TRADD: variants seen among roughly 807,000 people sequenced by gnomAD.
The protein encoded by TRADD is tumor necrosis factor receptor type 1-associated DEATH domain protein.
Under a neutral mutation model 31.5 loss-of-function variants are expected in TRADD, and 14 were observed. The ratio of observed to expected loss-of-function variants is 0.44; its 90% CI spans 0.29 to 0.69. The LOEUF is 0.69. Ranked by LOEUF, TRADD falls within the 30% of genes least tolerant of loss-of-function variation. The pLI is 0.11. For synonymous variants in TRADD, 220 were observed against 215.8 expected (o/e 1.02, Z -0.17); for missense variants, 388 against 435.7 (o/e 0.89, Z 0.97).
rs149407680 is a variant in TRADD at position 67,157,210 on chromosome 16, A to G, written c.-8-542T>C. 6.2e-3 allele frequency among the ~76,000 whole-genome samples: 944 copies of G among 152,128 alleles called. 7 individuals carry two copies. Among genetic ancestry groups the G allele is most frequent in the African/African-American group, 0.021 (883 of 41,494 alleles). ...TTGCATCTACCCAGATTCTCTCCCC[A>G]AGCCTGACTTACCTTTGGGGACTTC... On this transcript the variant is annotated intron_variant, in intron 1 of 4. Transcript: ENST00000345057.
In TRADD at chr16:67,155,479, C is replaced by G. The variant is rs374881850; in HGVS notation, c.327G>C (p.Gln109His). 162 of 1,576,924 alleles carry G rather than the reference C, an allele frequency of 1.0e-4. 1 individual carries two copies. The African/African-American group carries it at 1.7e-3, about 17-fold the overall frequency. ...LQRSLAAALA[Q>H]HSVPLQLELR... ...GCTCCAGTTGCAGCGGCACCGAGTG[C>G]TGGGCGAGCGCGGCCGCCAGGCTCC... Residue 109 changes from glutamine to histidine, a missense_variant, in exon 3 of 5, where the codon CAG becomes CAC. Physicochemically the swap from Gln to His is conservative, Grantham distance 24. Coordinates refer to ENST00000345057, the MANE Select transcript of TRADD (RefSeq NM_003789.4).
chr16:67,154,780 G>C lies in TRADD; in HGVS notation c.808C>G (p.Arg270Gly), dbSNP rs1443700539. Residue 270 changes from arginine (R) to glycine (G), a missense_variant, in exon 5 of 5, where the codon CGG becomes GGG. Transcript: ENST00000345057. The surrounding 1 kb of genome is among the most constrained non-coding windows in gnomAD (Gnocchi z 5.2). The part of the protein sequence containing the change: ...GLYEQAFQLL[R>G]RFVQAEGRRA... The stretch of plus-strand genomic sequence containing the variant: ...CGGCCCTCGGCCTGCACGAAGCGCC[G>C]CAGCAGCTGGAAGGCCTGCTCGTAC... 1 of 1,601,900 alleles carries C rather than the reference G, an allele frequency of 6.2e-7. No homozygotes were observed. The highest frequency in any genetic ancestry group is 8.5e-7 in the Non-Finnish European group (1 of 1,175,148).
chr16:67,155,641 G>C lies in TRADD; in HGVS notation c.165C>G (p.Ser55Arg), dbSNP rs1308578841. The change falls in exon 3 of 5, where the codon AGC becomes AGG. Residue 55 changes from serine (S) to arginine (R), a missense_variant. By Grantham distance (110) the Ser-to-Arg change is moderately radical. Coordinates refer to ENST00000345057, the MANE Select transcript of TRADD (RefSeq NM_003789.4). ...TCTTCAGCATCTGCAGCACGTCCGG[G>C]CTCCCGCCGCTCTCTGCGGAGGCGG... The part of the protein sequence containing the change: ...LQAALAESGG[S>R]PDVLQMLKIH... 6.5e-7 allele frequency: 1 copy of C among 1,547,050 alleles called. No homozygotes were observed. Among genetic ancestry groups the C allele is most frequent in the Non-Finnish European group, 8.7e-7 (1 of 1,153,156 alleles).
Position 67,155,574 on chromosome 16 carries a change from A to T in TRADD, c.232T>A (p.Cys78Ser), listed in dbSNP as rs1300859245. The change falls in exon 3 of 5, where the codon TGC (cysteine) becomes AGC (serine). Residue 78 changes from cysteine to serine, a missense_variant. Physicochemically the swap from Cys to Ser is moderately radical, Grantham distance 112. Transcript: ENST00000345057. ...DPQLIVQLRFCGRQPCGRFLR... is the reference protein window; with the variant it reads ...DPQLIVQLRFSGRQPCGRFLR... ...AAGCGGCCACAGGGCTGCCGCCCGC[A>T]GAATCGCAGCTGCACGATCAGCTGC... 18 of 1,537,176 alleles carry T rather than the reference A, an allele frequency of 1.2e-5. No individual in the cohort carries two copies. Among genetic ancestry groups the T allele is most frequent in the Non-Finnish European group, 1.6e-5 (18 of 1,149,658 alleles).
Position 67,156,279 on chromosome 16 carries a change from G to A in TRADD, c.151+231C>T. ...GAGCCGGCTGGTGGAGGGGGGCGGG[G>A]ATGGAGCAAAGGACGTTAGTGCACA... On this transcript the variant is annotated intron_variant, in intron 2 of 4. Coordinates refer to ENST00000345057, the MANE Select transcript of TRADD (RefSeq NM_003789.4). This position sits in a 1 kb window ranked among gnomAD's most constrained non-coding sequence, Gnocchi z 4.6. 1 of 1,201,718 alleles carries A rather than the reference G, an allele frequency of 8.3e-7. No homozygotes were observed. Among genetic ancestry groups the A allele is most frequent in the Non-Finnish European group, 1.2e-6 (1 of 863,596 alleles). 74.4% of individuals were successfully genotyped at this position (1,201,718 alleles called of 1,614,324 possible). A position where few individuals can be genotyped will look rare whatever the true frequency, so the allele number is the denominator to read the frequency against.
Position 67,155,623 on chromosome 16 carries a change from C to T in TRADD, c.183G>A (p.Met61Ile), listed in dbSNP as rs1033273077. The T allele has an allele frequency of 6.4e-7, 1 of 1,558,108 alleles. No homozygotes were observed. The highest frequency in any genetic ancestry group is 8.6e-7 in the Non-Finnish European group (1 of 1,158,930). The change falls in exon 3 of 5, where the codon ATG becomes ATA. Residue 61 changes from methionine to isoleucine, a missense_variant. By Grantham distance (10) the Met-to-Ile change is conservative (BLOSUM62 1). Coordinates refer to ENST00000345057, the MANE Select transcript of TRADD (RefSeq NM_003789.4). ...GCGGGTCGCTGCGGTGGATCTTCAG[C>T]ATCTGCAGCACGTCCGGGCTCCCGC... ...ESGGSPDVLQMLKIHRSDPQL... is the reference protein window; with the variant it reads ...ESGGSPDVLQILKIHRSDPQL...
At position 67,156,777 on chromosome 16, in the gene TRADD, C is replaced by T. The variant is rs2030716665; in HGVS notation, c.-8-109G>A. Reference sequence around the variant, plus strand: ...TGTCCCCACCACAGTAGCCTCAAGTCCCACATGGTTCAGTTGTCCCCACCA... The same window carrying T: ...TGTCCCCACCACAGTAGCCTCAAGTTCCACATGGTTCAGTTGTCCCCACCA... On this transcript the variant is annotated intron_variant, in intron 1 of 4. Transcript: ENST00000345057. The surrounding 1 kb of genome is among the most constrained non-coding windows in gnomAD (Gnocchi z 4.6). The T allele has an allele frequency of 7.0e-7, 1 of 1,429,352 alleles. No individual in the cohort carries two copies. Among genetic ancestry groups the T allele is most frequent in the African/African-American group, 1.4e-5 (1 of 71,486 alleles). 88.5% of individuals were successfully genotyped at this position (1,429,352 alleles called of 1,614,324 possible). A position where few individuals can be genotyped will look rare whatever the true frequency, so the allele number is the denominator to read the frequency against.
Position 67,156,226 on chromosome 16 carries a change from G to C in TRADD, c.151+284C>G. ...TGCAGTAAGAGAGGAAAAGAGGAGA[G>C]AGACATCCACAATTAGTAGAAAGGA... is the stretch of plus-strand genomic sequence containing the variant. On this transcript the variant is annotated intron_variant, in intron 2 of 4. Transcript: ENST00000345057. The surrounding 1 kb of genome is among the most constrained non-coding windows in gnomAD (Gnocchi z 4.6). 6.9e-7 allele frequency: 1 copy of C among 1,458,600 alleles called. No individual in the cohort carries two copies. The highest frequency in any genetic ancestry group is 9.1e-7 in the Non-Finnish European group (1 of 1,096,412). The allele number at this position is 1,458,600 out of a possible 1,614,324, so 90.4% of individuals were successfully genotyped here.
rs372931256 is a variant in TRADD, at chr16:67,155,443, G to C, written c.363C>G (p.Gly121=). The change falls in exon 3 of 5, where the codon GGC becomes GGG. Residue 121 remains glycine, a synonymous_variant. Transcript: ENST00000345057. ...SVPLQLELRA[G]AERLDALLAD... is the part of the protein sequence containing the mutation. Reference sequence around the variant, plus strand: ...CCAGCAAAGCGTCCAGCCGCTCGGCGCCGGCGCGCAGCTCCAGTTGCAGCG... The same window carrying C: ...CCAGCAAAGCGTCCAGCCGCTCGGCCCCGGCGCGCAGCTCCAGTTGCAGCG... 1.5e-5 allele frequency: 24 copies of C among 1,595,606 alleles called. No homozygotes were observed. In the South Asian group the frequency reaches 2.4e-4, roughly 16 times the overall value.
At chr16:67,157,010 GTCTC>G (rs770800235) in intron 1 of TRADD, among the ~76,000 whole-genome samples, 5 of 152,206 alleles carry the variant, frequency 3.3e-5, no homozygotes, top group Non-Finnish European at 7.3e-5. Context: ...AGGCCTGTGT[GTCTC>G]TCTTACCAAT....
chr16:67,157,869 C>G (rs1416985537), intron 1 of TRADD, among the ~76,000 whole-genome samples: 1 of 152,206 alleles, frequency 6.6e-6, no homozygotes, highest in Non-Finnish European at 1.5e-5. Flanking sequence ...CCCCGTGAGA[C>G]AGCAAGTAGA....
chr16:67,154,543 G>T lies in TRADD; in HGVS notation c.*106C>A. ...CTGCCCCAGCAGGTCCAGCAGATAG[G>T]CCAAGTGGAGTTTCAGGGTCCCGTG... On this transcript the variant is annotated 3_prime_UTR_variant, in exon 5 of 5. Coordinates refer to ENST00000345057, the MANE Select transcript of TRADD (RefSeq NM_003789.4). This position sits in a 1 kb window ranked among gnomAD's most constrained non-coding sequence, Gnocchi z 5.2. 1 of 1,399,666 alleles carries T rather than the reference G, an allele frequency of 7.1e-7. No individual in the cohort carries two copies. The highest frequency in any genetic ancestry group is 9.8e-7 in the Non-Finnish European group (1 of 1,023,570). 86.7% of individuals were successfully genotyped at this position (1,399,666 alleles called of 1,614,324 possible).
At chr16:67,155,936 C>A in intron 2 of TRADD, 1 of 1,497,898 alleles carries the variant, frequency 6.7e-7, no homozygotes, top group South Asian at 1.2e-5. Flanking sequence ...AGAGGGACTT[C>A]GAAGCACAGA....
Position 67,154,863 on chromosome 16 carries a change from C to A in TRADD, c.725G>T (p.Arg242Leu). The A allele has an allele frequency of 6.3e-7, 1 of 1,597,488 alleles. No individual in the cohort carries two copies. The highest frequency in any genetic ancestry group is 2.3e-5 in the East Asian group (1 of 43,492). Residue 242 changes from arginine to leucine, a missense_variant, in exon 5 of 5, where the codon CGG becomes CTG. Transcript: ENST00000345057. The surrounding 1 kb of genome is among the most constrained non-coding windows in gnomAD (Gnocchi z 5.2). The stretch of plus-strand genomic sequence containing the variant: ...GTCCAGCGCCGGGTCCCGCAGCGCC[C>A]GGCAGCCTCGCTGCAGTGAGCGCCC... Reference protein sequence around the residue: ...KVGRSLQRGCRALRDPALDSL... With the variant: ...KVGRSLQRGCLALRDPALDSL...
At chr16:67,155,332 C>T (rs778387357) in intron 3 of TRADD, 38 bp from the exon 4 acceptor site, 4 of 1,606,554 alleles carry the variant, frequency 2.5e-6, no homozygotes, top group African/African-American at 2.7e-5. Context: ...GGGACTTAAC[C>T]GCGGATCCCC....
rs761434301 is a variant in TRADD, at chr16:67,154,655, C to A, written c.933G>T (p.Leu311=). 1.2e-6 allele frequency: 2 copies of A among 1,612,320 alleles called. No homozygotes were observed. Among genetic ancestry groups the A allele is most frequent in the African/African-American group, 2.7e-5 (2 of 74,930 alleles). The part of the protein sequence containing the change: ...LLGLTDPNGG[L]A ...AGCTGGCTGCACCCCTGGTCTAGGCCAGGCCGCCATTGGGATCGGTCAGGC... is the reference window on the plus strand; with the variant it reads ...AGCTGGCTGCACCCCTGGTCTAGGCAAGGCCGCCATTGGGATCGGTCAGGC... The change falls in exon 5 of 5, where the codon CTG becomes CTT. Residue 311 remains leucine (L), a synonymous_variant. Transcript: ENST00000345057. The surrounding 1 kb of genome is among the most constrained non-coding windows in gnomAD (Gnocchi z 5.2).
chr16:67,154,367 G>T lies in TRADD; in HGVS notation c.*282C>A. The T allele has an allele frequency of 1.8e-6, 1 of 558,854 alleles. No homozygotes were observed. Among genetic ancestry groups the T allele is most frequent in the Non-Finnish European group, 3.2e-6 (1 of 310,596 alleles). 34.6% of individuals were successfully genotyped at this position (558,854 alleles called of 1,614,324 possible). A position where few individuals can be genotyped will look rare whatever the true frequency, so the allele number is the denominator to read the frequency against. The stretch of plus-strand genomic sequence containing the variant: ...GGTGCTTCATGAGTGAAACTGTAAG[G>T]GCTGGCTGTAAGCCCCGCTTCTGGG... On this transcript the variant is annotated 3_prime_UTR_variant, in exon 5 of 5. Coordinates refer to ENST00000345057, the MANE Select transcript of TRADD (RefSeq NM_003789.4). The surrounding 1 kb of genome is among the most constrained non-coding windows in gnomAD (Gnocchi z 5.2).
chr16:67,156,260 G>T lies in TRADD; in HGVS notation c.151+250C>A. The T allele has an allele frequency of 2.2e-6, 3 of 1,355,206 alleles. No homozygotes were observed. The South Asian group carries it at 4.0e-5, about 18-fold the overall frequency. 83.9% of individuals were successfully genotyped at this position (1,355,206 alleles called of 1,614,324 possible). A position where few individuals can be genotyped will look rare whatever the true frequency, so the allele number is the denominator to read the frequency against. Reference sequence around the variant, plus strand: ...ACAATTAGTAGAAAGGAGTGAGCCGGCTGGTGGAGGGGGGCGGGGATGGAG... The same window carrying T: ...ACAATTAGTAGAAAGGAGTGAGCCGTCTGGTGGAGGGGGGCGGGGATGGAG... On this transcript the variant is annotated intron_variant, in intron 2 of 4. Coordinates refer to ENST00000345057, the MANE Select transcript of TRADD (RefSeq NM_003789.4). The surrounding 1 kb of genome is among the most constrained non-coding windows in gnomAD (Gnocchi z 4.6).
In TRADD at chr16:67,159,156, T is replaced by G. The variant is rs2030807916; in HGVS notation, c.-9+682A>C. On this transcript the variant is annotated intron_variant, in intron 1 of 4. Transcript: ENST00000345057. This position sits in a 1 kb window ranked among gnomAD's most constrained non-coding sequence, Gnocchi z 6.8. ...CGTGTTCTTTCACGGAAGCCCCTCC[T>G]TGGGAAGCCCCGCGCCCCACCCACC... Among the ~76,000 whole-genome samples, 1 of 152,240 alleles carries G rather than the reference T, an allele frequency of 6.6e-6. No homozygotes were observed. Among genetic ancestry groups the G allele is most frequent in the Admixed American group, 6.5e-5 (1 of 15,288 alleles).
Sources: allele counts gnomAD v4.1 joint callset (sites outside exome capture counted in the v4.1 genomes callset), GRCh38; gene constraint gnomAD v4.1.1; non-coding constraint Gnocchi (gnomAD v3.1); transcripts MANE v1.5; gene names NCBI Gene and HGNC (gene_info 2026-07-23, HGNC 2026-07-21).